GLB1L2: variants seen among roughly 807,000 people sequenced by gnomAD.
The protein encoded by GLB1L2 is galactosidase beta 1 like 2.
In GLB1L2, 68 loss-of-function variants were observed where a neutral mutation model predicts 84.1. The observed-to-expected ratio is 0.81, with a 90% CI of 0.67 to 0.99. GLB1L2 has a LOEUF of 0.99. GLB1L2 is among the 50% of genes least tolerant of loss of function. The pLI is 0.00. For synonymous variants in GLB1L2, 290 were observed against 318.0 expected (o/e 0.91, Z 0.94); for missense variants, 762 against 805.6 (o/e 0.95, Z 0.66).
chr11:134,358,350 C>G (rs894316286), intron 6 of GLB1L2, among the ~76,000 whole-genome samples: 3 of 152,266 alleles, frequency 2.0e-5, no homozygotes, highest in African/African-American at 7.2e-5. Context: ...ACTGTGAAGA[C>G]AGCAACTGCA....
Position 134,332,081 on chromosome 11 carries a change from G to C in GLB1L2, c.20G>C (p.Arg7Pro), listed in dbSNP as rs1326659341. 1.3e-6 allele frequency: 2 copies of C among 1,584,838 alleles called. No homozygotes were observed. Among genetic ancestry groups the C allele is most frequent in the Non-Finnish European group, 1.7e-6 (2 of 1,167,612 alleles). ...CACGCGATGACCACGTGGAGCCTCC[G>C]GCGGAGGCCGGCCCGCACGCTGGGA... is the stretch of plus-strand genomic sequence containing the variant. Reference protein sequence around the residue: MTTWSLRRRPARTLGLL... With the variant: MTTWSLPRRPARTLGLL... The change falls in exon 1 of 19, where the codon CGG (arginine) becomes CCG (proline). Residue 7 changes from arginine (R) to proline (P), a missense_variant. This residue lies in a region of GLB1L2 where 100 missense variants were observed against 88.8 expected (regional missense o/e 1.13). Transcript: ENST00000535456.
Position 134,375,068 on chromosome 11 carries a change from C to T in GLB1L2, c.*10C>T, listed in dbSNP as rs1310253890. The T allele has an allele frequency of 6.2e-7, 1 of 1,609,348 alleles. No homozygotes were observed. Among genetic ancestry groups the T allele is most frequent in the East Asian group, 2.2e-5 (1 of 44,806 alleles). On this transcript the variant is annotated 3_prime_UTR_variant, in exon 19 of 19. Coordinates refer to ENST00000535456, the MANE Select transcript of GLB1L2 (RefSeq NM_001370461.1). ...CCAGTACATTAAGTGAGCGGTGGCA[C>T]CCCCTCCTGCTGGTGCCAGTGGGAG...
chr11:134,359,943 C>T (rs1005244269), intron 7 of GLB1L2: 1 of 152,334 alleles, frequency 6.6e-6, no homozygotes, highest in Non-Finnish European at 1.5e-5. Flanking sequence ...TGTAGCACCA[C>T]ACTTGAAATT....
intron 4 of GLB1L2, among the ~76,000 whole-genome samples, chr11:134,345,529 G>A (rs564980296): frequency 6.6e-6 from 1 of 152,194 alleles, no homozygotes; most frequent in Non-Finnish European, 1.5e-5. Context: ...GGAGTGCAGT[G>A]GTGTGATCTT....
At chr11:134,364,490 CAGGGA>C in intron 8 of GLB1L2, 92 bp downstream of exon 8, 1 of 1,053,978 alleles carries the variant, frequency 9.5e-7, no homozygotes, top group Non-Finnish European at 1.4e-6. Flanking sequence ...TTCCCCAGCG[CAGGGA>C]GCTGGACTCA....
chr11:134,342,586 G>A (rs1292763950), intron 1 of GLB1L2, among the ~76,000 whole-genome samples, 168 bp from the exon 2 acceptor site: 1 of 152,246 alleles, frequency 6.6e-6, no homozygotes, highest in Non-Finnish European at 1.5e-5. Flanking sequence ...GCCCCGTGCT[G>A]AAGAAAGACC....
At chr11:134,352,485 T>G (rs1943647070) in intron 5 of GLB1L2, among the ~76,000 whole-genome samples, 1 of 152,150 alleles carries the variant, frequency 6.6e-6, no homozygotes, top group Non-Finnish European at 1.5e-5. Context: ...TGCTACCTTT[T>G]AGTTTGTTTC....
At position 134,370,600 on chromosome 11, in the gene GLB1L2, C is replaced by A. The variant is rs925726471; in HGVS notation, c.1215+201C>A. 1.3e-5 allele frequency among the ~76,000 whole-genome samples: 2 copies of A among 152,002 alleles called. No individual in the cohort carries two copies. Among genetic ancestry groups the A allele is most frequent in the Non-Finnish European group, 2.9e-5 (2 of 67,996 alleles). Reference sequence around the variant, plus strand: ...GGGTCTGCTCTCCGGCCTTGGAGCTCAGAGGGAAGAGGACAGACTCATGCT... The same window carrying A: ...GGGTCTGCTCTCCGGCCTTGGAGCTAAGAGGGAAGAGGACAGACTCATGCT... On this transcript the variant is annotated intron_variant, in intron 12 of 18. Transcript: ENST00000535456. This position sits in a 1 kb window ranked among gnomAD's most constrained non-coding sequence, Gnocchi z 4.7.
At chr11:134,343,958 G>A (rs1376207310) in intron 2 of GLB1L2, among the ~76,000 whole-genome samples, 1 of 152,212 alleles carries the variant, frequency 6.6e-6, no homozygotes, top group Non-Finnish European at 1.5e-5. Flanking sequence ...CCATGAGCCT[G>A]CTCCATCCCT....
At chr11:134,364,460 T>C in intron 8 of GLB1L2, 62 bp downstream of exon 8, 3 of 1,332,980 alleles carry the variant, frequency 2.3e-6, no homozygotes, top group Non-Finnish European at 2.1e-6. Flanking sequence ...GAATTCTGAA[T>C]GCCTGTCAGC....
At position 134,356,337 on chromosome 11, in the gene GLB1L2, G is replaced by C; in HGVS notation, c.595G>C (p.Glu199Gln). The change falls in exon 6 of 19, where the codon GAG becomes CAG. Residue 199 changes from glutamate (E) to glutamine (Q), a missense_variant. Transcript: ENST00000535456. ...GGGACCTATCATTGCCGTGCAGGTG[G>C]AGAATGAATATGGTTCCTATAATAA... ...RGGPIIAVQV[E>Q]NEYGSYNKDP... 1 of 1,614,114 alleles carries C rather than the reference G, an allele frequency of 6.2e-7. No homozygotes were observed. Among genetic ancestry groups the C allele is most frequent in the Non-Finnish European group, 8.5e-7 (1 of 1,179,998 alleles).
At chr11:134,368,821 C>T (rs1283717051) in intron 10 of GLB1L2, 40 bp downstream of exon 10, 1 of 1,605,766 alleles carries the variant, frequency 6.2e-7, no homozygotes, top group Admixed American at 1.7e-5. Flanking sequence ...GTCTGCCCTG[C>T]ATGGGCATGG....
chr11:134,347,768 G>A (rs1943572424), intron 5 of GLB1L2, among the ~76,000 whole-genome samples: 1 of 152,086 alleles, frequency 6.6e-6, no homozygotes, highest in Non-Finnish European at 1.5e-5. Flanking sequence ...ACAGGGATGA[G>A]GTGATAGCCG....
intron 4 of GLB1L2, among the ~76,000 whole-genome samples, chr11:134,345,524 G>A (rs1394996031): frequency 2.6e-5 from 4 of 152,352 alleles, no homozygotes; most frequent in East Asian, 1.9e-4. Flanking sequence ...AGGCTGGAGT[G>A]CAGTGGTGTG....
At chr11:134,342,365 G>A (rs1943477999) in intron 1 of GLB1L2, among the ~76,000 whole-genome samples, 1 of 152,104 alleles carries the variant, frequency 6.6e-6, no homozygotes, top group African/African-American at 2.4e-5. Flanking sequence ...GCCGGGGCTC[G>A]GAGGTACCGT....
At position 134,342,829 on chromosome 11, in the gene GLB1L2, C is replaced by T; in HGVS notation, c.162C>T (p.Phe54=). ...GGCTGCAGGCCAAGGGCTGGAACTT[C>T]ATGCTGGAGGATTCCACCTTCTGGA... ...QLGLQAKGWN[F]MLEDSTFWIF... is the part of the protein sequence containing the mutation. The change falls in exon 2 of 19, where the codon TTC becomes TTT. Residue 54 remains phenylalanine, a synonymous_variant. Transcript: ENST00000535456. 9 of 1,614,056 alleles carry T rather than the reference C, an allele frequency of 5.6e-6. No individual in the cohort carries two copies. Among genetic ancestry groups the T allele is most frequent in the Non-Finnish European group, 7.6e-6 (9 of 1,180,026 alleles).
intron 6 of GLB1L2, among the ~76,000 whole-genome samples, chr11:134,358,124 C>T (rs1943730409): frequency 1.3e-5 from 2 of 152,202 alleles, no homozygotes; most frequent in Non-Finnish European, 1.5e-5. Flanking sequence ...AGCAGATGAT[C>T]TCGCTGTCTA....
At chr11:134,371,569 A>C in intron 14 of GLB1L2, 77 bp downstream of exon 14, 3 of 1,054,798 alleles carry the variant, frequency 2.8e-6, no homozygotes, top group Non-Finnish European at 4.4e-6. Flanking sequence ...ACTGAGGAAA[A>C]CCTGGGAGAC....
rs542567236 is a variant in GLB1L2 at position 134,342,777 on chromosome 11, C to T, written c.110C>T (p.Pro37Leu). 1 of 1,613,960 alleles carries T rather than the reference C, an allele frequency of 6.2e-7. No individual in the cohort carries two copies. The highest frequency in any genetic ancestry group is 1.7e-5 in the Admixed American group (1 of 60,026). The part of the protein sequence containing the change: ...LRRLDWSTLV[P>L]LRLRHRQLGL... The stretch of plus-strand genomic sequence containing the variant: ...AGGCTGGACTGGAGCACCCTGGTCC[C>T]TCTGCGGCTCCGCCATCGACAGCTG... The change falls in exon 2 of 19, where the codon CCT (proline) becomes CTT (leucine). Residue 37 changes from proline (P) to leucine (L), a missense_variant. By Grantham distance (98) the Pro-to-Leu change is moderately conservative. Around this residue, in one of 3 missense-constraint regions of GLB1L2, gnomAD observed 100 missense variants for 88.8 expected, o/e 1.13. Transcript: ENST00000535456.
Sources: gnomAD v4.1 joint callset for allele counts (sites outside exome capture counted in the v4.1 genomes callset) on GRCh38, gnomAD v4.1.1 for gene constraint, gnomAD v4.1.1 regional missense constraint, Gnocchi (gnomAD v3.1) non-coding constraint, MANE v1.5 for transcripts, NCBI Gene and HGNC (gene_info 2026-07-23, HGNC 2026-07-21) for gene names.